The following ANXA11 variants were observed in gnomAD, a reference collection of about 807,000 sequenced individuals.
ANXA11 encodes annexin A11, also known as 56 kDa autoantigen.
ANXA11 carries 57 observed loss-of-function variants against 64.7 expected under a neutral mutation model. That is an observed-to-expected ratio of 0.88 (90% CI 0.71 to 1.10). The LOEUF (loss-of-function observed/expected upper bound fraction) is 1.10. Ranked by LOEUF, ANXA11 falls within the 50% of genes least tolerant of loss-of-function variation. ANXA11 has a pLI of 0.00. For synonymous variants in ANXA11, 260 were observed against 265.2 expected (o/e 0.98, Z 0.19); for missense variants, 675 against 670.7 (o/e 1.01, Z -0.07).
intron 1 of ANXA11, chr10:80,180,916 A>C (rs186121963): frequency 6.6e-6 from 1 of 152,212 alleles, no homozygotes; most frequent in African/African-American, 2.4e-5. Context: ...TGTTTGTTAC[A>C]AAAGTATAAC....
intron 1 of ANXA11, among the ~76,000 whole-genome samples, chr10:80,202,175 T>C (rs984913701): frequency 4.3e-5 from 6 of 140,888 alleles, no homozygotes; most frequent in African/African-American, 1.7e-4. Flanking sequence ...GCAGGCATTT[T>C]ATCATCCAGA....
chr10:80,204,221 A>T (rs893560560), intron 1 of ANXA11, among the ~76,000 whole-genome samples: 1 of 152,224 alleles, frequency 6.6e-6, no homozygotes, highest in African/African-American at 2.4e-5. Context: ...AGGGCAACAA[A>T]CTGCCCTGGC....
rs201178384 is a variant in ANXA11, at chr10:80,182,953, T to TG, written c.-57-6799dup. Among the ~76,000 whole-genome samples, 218 of 152,226 alleles carry TG rather than the reference T, an allele frequency of 1.4e-3. 1 individual carries two copies. The highest frequency in any genetic ancestry group is 4.8e-3 in the African/African-American group (201 of 41,526). Reference sequence around the variant, plus strand: ...GTTAGAGTCAGAGAATTGGTCAGTGTGGGGAAAAAAAACACACATCTGGTC... The same window carrying TG: ...GTTAGAGTCAGAGAATTGGTCAGTGTGGGGGAAAAAAAACACACATCTGGTC... On this transcript the variant is annotated intron_variant, in intron 1 of 15. Coordinates refer to ENST00000422982, the MANE Select transcript of ANXA11 (RefSeq NM_145868.2).
intron 13 of ANXA11, among the ~76,000 whole-genome samples, chr10:80,158,842 T>C (rs1845388661): frequency 6.6e-6 from 1 of 152,110 alleles, no homozygotes; most frequent in Non-Finnish European, 1.5e-5. Flanking sequence ...CTCCCACTAA[T>C]ACCCACACTG....
At chr10:80,186,648 C>G (rs936256425) in intron 1 of ANXA11, among the ~76,000 whole-genome samples, 1 of 152,206 alleles carries the variant, frequency 6.6e-6, no homozygotes, top group Non-Finnish European at 1.5e-5. Flanking sequence ...CTGCGGGCAC[C>G]AGAGCCTGTC....
At chr10:80,161,853 A>G (rs973921821) in intron 12 of ANXA11, 82 bp downstream of exon 12, 1 of 1,245,022 alleles carries the variant, frequency 8.0e-7, no homozygotes, top group South Asian at 1.2e-5. Context: ...GGAACGACCA[A>G]GTGTTCCCAT....
chr10:80,178,944 T>G (rs1341496438), intron 1 of ANXA11, among the ~76,000 whole-genome samples: 3 of 151,808 alleles, frequency 2.0e-5, no homozygotes, highest in Admixed American at 1.3e-4. Flanking sequence ...GTCCACACTC[T>G]AGGAAACACT....
In ANXA11 at chr10:80,164,153, C is replaced by A. The variant is rs557214769; in HGVS notation, c.859-10G>T. ...CATCAGTGCCAACCCCCTGCAGGGG[C>A]AGAGAATACAACCAACCATGTGCTT... On this transcript the variant is annotated splice_polypyrimidine_tract_variant and intron_variant, in intron 8 of 15. Transcript: ENST00000422982. 4 of 1,611,012 alleles carry A rather than the reference C, an allele frequency of 2.5e-6. No homozygotes were observed. Among genetic ancestry groups the A allele is most frequent in the Non-Finnish European group, 3.4e-6 (4 of 1,177,334 alleles).
chr10:80,172,611 G>A (rs1846021316), intron 3 of ANXA11, among the ~76,000 whole-genome samples, 196 bp downstream of exon 3: 1 of 152,110 alleles, frequency 6.6e-6, no homozygotes, highest in Admixed American at 6.5e-5. Flanking sequence ...CTAGGCCTCC[G>A]ATGGCCTTAG....
chr10:80,166,177 T>C lies in ANXA11; in HGVS notation c.765A>G (p.Lys255=). ...TCTCAAAGTTTCCTGACAGTTCAGA[T>C]TTCAGATCTTTGATCAAATCCTGAT... The part of the protein sequence containing the change: ...AYGKDLIKDL[K]SELSGNFEKT... Residue 255 remains lysine, a synonymous_variant, in exon 8 of 16, where the codon AAA becomes AAG. Transcript: ENST00000422982. The C allele has an allele frequency of 6.2e-7, 1 of 1,609,504 alleles. No homozygotes were observed. The highest frequency in any genetic ancestry group is 8.5e-7 in the Non-Finnish European group (1 of 1,176,376).
intron 2 of ANXA11, among the ~76,000 whole-genome samples, 158 bp downstream of exon 2, chr10:80,175,949 G>C (rs888801091): frequency 7.2e-5 from 11 of 152,196 alleles, no homozygotes; most frequent in African/African-American, 2.4e-4. Context: ...AGCTACTCGG[G>C]AGGCTGAGGC....
intron 1 of ANXA11, among the ~76,000 whole-genome samples, chr10:80,191,086 G>C (rs936396660): frequency 3.3e-5 from 5 of 152,036 alleles, no homozygotes; most frequent in Non-Finnish European, 5.9e-5. Context: ...TTAGCTGGGT[G>C]TGGTGGCATG....
chr10:80,166,030 GCACACACGCGCGCACACA>G, intron 8 of ANXA11, 36 bp downstream of exon 8: 1 of 1,058,106 alleles, frequency 9.5e-7, no homozygotes, highest in Non-Finnish European at 1.4e-6. Flanking sequence ...GCGCGCGTGC[GCACACACGCGCGCACACA>G]CACACACACA....
In ANXA11 at chr10:80,160,244, T is replaced by C. The variant is rs114309372; in HGVS notation, c.1181-1049A>G. ...GGCTTGATGCACTACTTACATGTTC[T>C]GTACTCATTAAAAGAAATAATGATT... On this transcript the variant is annotated intron_variant, in intron 12 of 15. Transcript: ENST00000422982. Among the ~76,000 whole-genome samples the C allele has an allele frequency of 5.5e-3, 833 of 152,372 alleles. 8 individuals carry two copies. Among genetic ancestry groups the C allele is most frequent in the African/African-American group, 0.019 (803 of 41,586 alleles).
chr10:80,179,540 A>C (rs1361124367), intron 1 of ANXA11, among the ~76,000 whole-genome samples: 1 of 152,220 alleles, frequency 6.6e-6, no homozygotes, highest in Non-Finnish European at 1.5e-5. Flanking sequence ...GTTGTATGAC[A>C]GATGCACCTG....
At chr10:80,156,434 A>T (rs1845279053) in intron 15 of ANXA11, 1 of 471,810 alleles carries the variant, frequency 2.1e-6, no homozygotes, top group African/African-American at 2.0e-5. Flanking sequence ...CACCCTAAGC[A>T]ACTTGAGGGC....
intron 6 of ANXA11, 94 bp from the exon 7 acceptor site, chr10:80,167,078 G>T: frequency 7.7e-7 from 1 of 1,306,328 alleles, no homozygotes; most frequent in Non-Finnish European, 1.1e-6. Context: ...ACTGTTCTGG[G>T]CATGCTAGCC....
At chr10:80,163,277 C>A in intron 11 of ANXA11, 72 bp downstream of exon 11, 1 of 1,567,526 alleles carries the variant, frequency 6.4e-7, no homozygotes, top group East Asian at 2.3e-5. Flanking sequence ...CCTAGGGTAC[C>A]TCTCTCAGGA....
Position 80,166,390 on chromosome 10 carries a change from A to G in ANXA11, c.745-193T>C, listed in dbSNP as rs1255111963. On this transcript the variant is annotated intron_variant, in intron 7 of 15. Coordinates refer to ENST00000422982, the MANE Select transcript of ANXA11 (RefSeq NM_145868.2). ...CCAAATCAGAGACCACATTTTACCAAGATGCCCAGGGGATCGGTGACACAA... is the reference window on the plus strand; with the variant it reads ...CCAAATCAGAGACCACATTTTACCAGGATGCCCAGGGGATCGGTGACACAA... The G allele has an allele frequency of 7.2e-6, 4 of 555,540 alleles. No individual in the cohort carries two copies. The East Asian group carries it at 1.2e-4, about 16-fold the overall frequency. 34.4% of individuals were successfully genotyped at this position (555,540 alleles called of 1,614,324 possible).
Sources: allele counts gnomAD v4.1 joint callset (sites outside exome capture counted in the v4.1 genomes callset), GRCh38; gene constraint gnomAD v4.1.1; transcripts MANE v1.5; gene names NCBI Gene and HGNC (gene_info 2026-07-23, HGNC 2026-07-21).